The following TLN2 variants were observed in gnomAD, a reference collection of about 807,000 sequenced individuals.
The protein encoded by TLN2 is talin-2.
Under a neutral mutation model 294.7 loss-of-function variants are expected in TLN2, and 118 were observed. The ratio of observed to expected loss-of-function variants is 0.40; its 90% CI spans 0.34 to 0.47. The LOEUF (loss-of-function observed/expected upper bound fraction) is 0.47. TLN2 is among the 20% of genes least tolerant of loss of function. The pLI, the probability that TLN2 is intolerant of heterozygous loss-of-function variation, is 0.84. For missense variants in TLN2, 3,083 were observed against 3,282.2 expected, an observed-to-expected ratio of 0.94 and a Z score of 1.48; for synonymous variants, 1,431 against 1,304.5, an observed-to-expected ratio of 1.10 and a Z score of -2.09.
intron 32 of TLN2, among the ~76,000 whole-genome samples, chr15:62,741,788 G>T (rs1292767853): frequency 2.2e-5 from 1 of 45,480 alleles, no homozygotes; most frequent in Non-Finnish European, 4.4e-5. Flanking sequence ...TCCCCTGGGA[G>T]ATCATTGGCT....
intron 1 of TLN2, among the ~76,000 whole-genome samples, chr15:62,515,749 C>T (rs7179307): frequency 0.13 from 19,051 of 151,816 alleles, 1,286 homozygotes; most frequent in African/African-American, 0.16. Flanking sequence ...TTTTTTCAGA[C>T]GTGTGTTTTT....
chr15:62,539,232 A>G (rs2041534229), intron 1 of TLN2, among the ~76,000 whole-genome samples: 1 of 152,174 alleles, frequency 6.6e-6, no homozygotes, highest in Admixed American at 6.5e-5. Flanking sequence ...TCTTGGAAGC[A>G]TTTTCATTTT....
chr15:62,741,444 T>A (rs1214580279), intron 32 of TLN2, among the ~76,000 whole-genome samples: 1 of 152,156 alleles, frequency 6.6e-6, no homozygotes. Context: ...AGTGGTTGAA[T>A]GTGGTATGTG....
At chr15:62,589,514 C>T (rs2045922951) in intron 1 of TLN2, among the ~76,000 whole-genome samples, 173 bp from the exon 2 acceptor site, 1 of 152,174 alleles carries the variant, frequency 6.6e-6, no homozygotes, top group East Asian at 1.9e-4. Flanking sequence ...TGTCTTGGGA[C>T]CTGAATTCCC....
chr15:62,613,103 T>A (rs1004445344), intron 2 of TLN2, among the ~76,000 whole-genome samples: 1 of 152,222 alleles, frequency 6.6e-6, no homozygotes, highest in Non-Finnish European at 1.5e-5. Flanking sequence ...ATGGGTAATT[T>A]ATTTGTCCTC....
intron 53 of TLN2, 97 bp from the exon 54 acceptor site, chr15:62,820,389 A>G: frequency 7.3e-7 from 1 of 1,371,448 alleles, no homozygotes; most frequent in Non-Finnish European, 9.8e-7. Context: ...AGGCTCCTGG[A>G]GCCTTCATGC....
At chr15:62,445,134 AG>A (rs1199376434) in intron 1 of TLN2, among the ~76,000 whole-genome samples, 2 of 152,188 alleles carry the variant, frequency 1.3e-5, no homozygotes, top group Non-Finnish European at 2.9e-5. Flanking sequence ...TTGATCTTTA[AG>A]ATAGAACTGG....
intron 3 of TLN2, among the ~76,000 whole-genome samples, chr15:62,631,462 TTC>T (rs1041521307): frequency 6.6e-6 from 1 of 151,648 alleles, no homozygotes; most frequent in African/African-American, 2.4e-5. Flanking sequence ...TTCTCTTTCT[TTC>T]TCTCTCTCTT....
chr15:62,768,180 G>C (rs2063137081), intron 41 of TLN2, among the ~76,000 whole-genome samples: 1 of 152,178 alleles, frequency 6.6e-6, no homozygotes, highest in South Asian at 2.1e-4. Flanking sequence ...CCAGTTCTCA[G>C]ACCCCAACTG....
rs368504582 is a variant in TLN2, at chr15:62,555,694, T to G, written c.-237-33993T>G. Among the ~76,000 whole-genome samples the G allele has an allele frequency of 1.6e-4, 24 of 152,312 alleles. No individual in the cohort carries two copies. The East Asian group carries it at 3.5e-3, about 22-fold the overall frequency. On this transcript the variant is annotated intron_variant, in intron 1 of 58. Coordinates refer to ENST00000636159, the MANE Select transcript of TLN2 (RefSeq NM_015059.3). ...ATAGCAGTAGAGCTGCAACTTAATT[T>G]GTATGTGGATTTTTACTTTTCCCGG...
chr15:62,725,018 A>C lies in TLN2; in HGVS notation c.3169A>C (p.Asn1057His). The change falls in exon 27 of 59, where the codon AAT becomes CAT. Residue 1057 changes from asparagine to histidine, a missense_variant. Physicochemically the swap from Asn to His is moderately conservative, Grantham distance 68. Coordinates refer to ENST00000636159, the MANE Select transcript of TLN2 (RefSeq NM_015059.3). ...TCCGATGGAAATCGATTCAGCTCTG[A>C]ATACGGTGCAGACGCTTAAGAATGA... ...CGPMEIDSAL[N>H]TVQTLKNELQ... 1 of 1,613,582 alleles carries C rather than the reference A, an allele frequency of 6.2e-7. No homozygotes were observed. The highest frequency in any genetic ancestry group is 1.1e-5 in the South Asian group (1 of 91,024).
At chr15:62,668,637 C>T (rs1210459058) in intron 9 of TLN2, among the ~76,000 whole-genome samples, 2 of 152,190 alleles carry the variant, frequency 1.3e-5, no homozygotes, top group Non-Finnish European at 2.9e-5. Flanking sequence ...GCATGGTCCC[C>T]AGTGCCCACG....
chr15:62,503,606 G>A (rs947819184), intron 1 of TLN2, among the ~76,000 whole-genome samples: 2 of 152,194 alleles, frequency 1.3e-5, no homozygotes, highest in African/African-American at 4.8e-5. Context: ...AAATTCCCAG[G>A]CATCTTGGAA....
At chr15:62,436,361 G>T (rs1490874566) in intron 1 of TLN2, among the ~76,000 whole-genome samples, 1 of 152,218 alleles carries the variant, frequency 6.6e-6, no homozygotes, top group Admixed American at 6.5e-5. Context: ...AGGGAGTGCT[G>T]TGCGGGAGGA....
intron 48 of TLN2, among the ~76,000 whole-genome samples, chr15:62,799,465 A>G (rs1022088670): frequency 6.6e-6 from 1 of 152,246 alleles, no homozygotes; most frequent in East Asian, 1.9e-4. Flanking sequence ...CTTTGAAAAG[A>G]TGATCTGTGG....
At chr15:62,450,344 G>A (rs762070278) in intron 1 of TLN2, among the ~76,000 whole-genome samples, 14 of 152,310 alleles carry the variant, frequency 9.2e-5, no homozygotes, top group Middle Eastern at 3.4e-3. Context: ...CCGAGTCACC[G>A]TGTTTGTAGA....
At chr15:62,523,814 C>A (rs1596009735) in intron 1 of TLN2, among the ~76,000 whole-genome samples, 1 of 152,126 alleles carries the variant, frequency 6.6e-6, no homozygotes, top group Non-Finnish European at 1.5e-5. Flanking sequence ...CCACTTAAGT[C>A]AAAACCAATT....
intron 20 of TLN2, among the ~76,000 whole-genome samples, 161 bp downstream of exon 20, chr15:62,707,414 T>C (rs919891367): frequency 1.3e-5 from 2 of 152,270 alleles, no homozygotes; most frequent in African/African-American, 4.8e-5. Context: ...GCATAAGCGG[T>C]CAAATTCTGC....
chr15:62,548,299 T>A (rs762338838), intron 1 of TLN2, among the ~76,000 whole-genome samples: 1 of 152,124 alleles, frequency 6.6e-6, no homozygotes, highest in Admixed American at 6.5e-5. Context: ...GGGACAGTTA[T>A]AGAGTCTTAC....
Sources: gnomAD v4.1 joint callset for allele counts (sites outside exome capture counted in the v4.1 genomes callset) on GRCh38, gnomAD v4.1.1 for gene constraint, MANE v1.5 for transcripts, NCBI Gene and HGNC (gene_info 2026-07-23, HGNC 2026-07-21) for gene names.